WDFY3: variants seen among roughly 807,000 people sequenced by gnomAD.
WDFY3 encodes the protein WD repeat and FYVE domain-containing protein 3.
Under a neutral mutation model 409.6 loss-of-function variants are expected in WDFY3, and 66 were observed. The observed-to-expected ratio is 0.16, with a 90% CI of 0.13 to 0.20. The LOEUF (loss-of-function observed/expected upper bound fraction) is 0.20, where lower values mean the gene tolerates loss of function less well. Among genes scored for constraint, WDFY3 ranks in the 10% least tolerant of loss-of-function variants. The pLI is 1.00. For missense variants in WDFY3, 3,031 were observed against 4,298.1 expected (o/e 0.71, Z 8.24); for synonymous variants, 1,521 against 1,537.1 (o/e 0.99, Z 0.25).
At chr4:84,707,747 T>C (rs1578199977) in intron 53 of WDFY3, among the ~76,000 whole-genome samples, 1 of 152,244 alleles carries the variant, frequency 6.6e-6, no homozygotes, top group South Asian at 2.1e-4. Flanking sequence ...CATTTATCAA[T>C]CTTTACTCCT....
chr4:84,738,480 T>C (rs765696461), intron 40 of WDFY3, among the ~76,000 whole-genome samples: 1 of 152,046 alleles, frequency 6.6e-6, no homozygotes, highest in Non-Finnish European at 1.5e-5. Flanking sequence ...TGTGCACCTG[T>C]AGTCCCAGCT....
chr4:84,860,328 T>C, intron 4 of WDFY3, 84 bp downstream of exon 4: 1 of 1,415,286 alleles, frequency 7.1e-7, no homozygotes, highest in Non-Finnish European at 9.5e-7. Context: ...ATCATTTTTT[T>C]CTACCTATGG....
chr4:84,788,866 A>G (rs534245895), intron 22 of WDFY3, among the ~76,000 whole-genome samples: 2 of 152,090 alleles, frequency 1.3e-5, no homozygotes, highest in South Asian at 4.1e-4. Flanking sequence ...CTAAAAATAC[A>G]AAAATTAGCC....
intron 2 of WDFY3, among the ~76,000 whole-genome samples, chr4:84,899,453 C>T (rs1351322200): frequency 1.3e-5 from 2 of 152,132 alleles, no homozygotes; most frequent in Non-Finnish European, 1.5e-5. Flanking sequence ...TTGGCATTTT[C>T]TTATCAAATT....
chr4:84,788,326 G>T (rs1747892727), intron 22 of WDFY3, among the ~76,000 whole-genome samples: 1 of 152,142 alleles, frequency 6.6e-6, no homozygotes, highest in Admixed American at 6.5e-5. Context: ...AGTTCTTGGT[G>T]ATGTTAATAG....
chr4:84,709,098 T>C (rs1578203770), intron 52 of WDFY3, 70 bp from the exon 53 acceptor site: 4 of 1,573,778 alleles, frequency 2.5e-6, no homozygotes, highest in East Asian at 4.5e-5. Context: ...TAAAATTTTA[T>C]ATACAAAATG....
chr4:84,808,255 C>A, intron 15 of WDFY3, 79 bp downstream of exon 15: 1 of 1,143,454 alleles, frequency 8.7e-7, no homozygotes, highest in South Asian at 1.6e-5. Flanking sequence ...AAAACACAAT[C>A]AACATGTTAA....
intron 3 of WDFY3, among the ~76,000 whole-genome samples, chr4:84,886,187 G>T (rs938065722): frequency 6.6e-6 from 1 of 152,038 alleles, no homozygotes; most frequent in Non-Finnish European, 1.5e-5. Context: ...GGTTGTATCT[G>T]TCCTTCATTA....
At chr4:84,932,841 TA>T (rs996591716) in intron 1 of WDFY3, among the ~76,000 whole-genome samples, 1 of 152,220 alleles carries the variant, frequency 6.6e-6, no homozygotes, top group Non-Finnish European at 1.5e-5. Flanking sequence ...ATTAAAATTT[TA>T]AAAATTGCTG....
rs530776607 is a variant in WDFY3 at position 84,782,981 on chromosome 4, C to A, written c.4156G>T (p.Ala1386Ser). The A allele has an allele frequency of 4.3e-6, 7 of 1,613,852 alleles. No individual in the cohort carries two copies. The highest frequency in any genetic ancestry group is 5.9e-6 in the Non-Finnish European group (7 of 1,179,964). The change falls in exon 25 of 68, where the codon GCT becomes TCT. Residue 1386 changes from alanine to serine, a missense_variant. Ala to Ser is a moderately conservative substitution (Grantham distance 99). Transcript: ENST00000295888. ...LNGSARTIGAALIGYLGVRTF... is the reference protein window; with the variant it reads ...LNGSARTIGASLIGYLGVRTF... Reference sequence around the variant, plus strand: ...CACTCACCCAAGTATCCAATCAGAGCGGCCCCAATTGTCCGTGCAGATCCA... The same window carrying A: ...CACTCACCCAAGTATCCAATCAGAGAGGCCCCAATTGTCCGTGCAGATCCA...
At chr4:84,883,880 A>G (rs986466737) in intron 3 of WDFY3, among the ~76,000 whole-genome samples, 3 of 152,268 alleles carry the variant, frequency 2.0e-5, no homozygotes, top group African/African-American at 7.2e-5. Flanking sequence ...CATGAAATAA[A>G]TGTTTCCATA....
At chr4:84,782,840 A>C (rs1371950465) in intron 25 of WDFY3, 123 bp downstream of exon 25, 4 of 733,824 alleles carry the variant, frequency 5.5e-6, no homozygotes, top group Non-Finnish European at 9.2e-6. Context: ...TGAATACTGC[A>C]CGTACACTAT....
chr4:84,846,376 AT>A (rs1334312162), intron 5 of WDFY3, among the ~76,000 whole-genome samples: 3 of 152,058 alleles, frequency 2.0e-5, no homozygotes, highest in East Asian at 1.9e-4. Flanking sequence ...GTTAAAAAAA[AT>A]ACTTGTGTAA....
In WDFY3 at chr4:84,724,508, T is replaced by C. The variant is rs1735341312; in HGVS notation, c.7359A>G (p.Gln2453=). Residue 2453 remains glutamine, a synonymous_variant, in exon 46 of 68, where the codon CAA becomes CAG. Transcript: ENST00000295888. The stretch of plus-strand genomic sequence containing the variant: ...CTTCTGAACTCTCCACAATGGCGTC[T>C]TGGACAATGGCGGGATTGCCAGAGG... ...RLASGNPAIV[Q]DAIVESSEGE... is the part of the protein sequence containing the mutation. The C allele has an allele frequency of 3.7e-6, 6 of 1,614,202 alleles. No individual in the cohort carries two copies. The highest frequency in any genetic ancestry group is 3.4e-6 in the Non-Finnish European group (4 of 1,180,010).
intron 21 of WDFY3, among the ~76,000 whole-genome samples, chr4:84,790,893 A>G (rs1437315351): frequency 6.6e-6 from 1 of 152,196 alleles, no homozygotes; most frequent in Non-Finnish European, 1.5e-5. Flanking sequence ...TGCAAACCAT[A>G]AGCACAATGG....
chr4:84,727,614 C>T (rs1422984161), intron 44 of WDFY3, among the ~76,000 whole-genome samples: 1 of 152,190 alleles, frequency 6.6e-6, no homozygotes, highest in Non-Finnish European at 1.5e-5. Context: ...TTCTGTTGAG[C>T]TGTAGCATGT....
chr4:84,905,088 C>T (rs1352707749), intron 2 of WDFY3, among the ~76,000 whole-genome samples: 1 of 152,208 alleles, frequency 6.6e-6, no homozygotes, highest in Admixed American at 6.5e-5. Flanking sequence ...GTAATCTCAG[C>T]ACTTTGGGAG....
intron 36 of WDFY3, 90 bp from the exon 37 acceptor site, chr4:84,743,889 G>C (rs1217585085): frequency 5.0e-6 from 4 of 792,626 alleles, no homozygotes; most frequent in Non-Finnish European, 7.0e-6. Context: ...ATATTAAAAA[G>C]ATTAAAAAAT....
intron 56 of WDFY3, among the ~76,000 whole-genome samples, chr4:84,698,290 A>AT (rs775367132): frequency 6.9e-4 from 100 of 145,756 alleles, no homozygotes; most frequent in East Asian, 5.0e-3. Flanking sequence ...ATATATATAT[A>AT]TTTTTTTTTT....
Sources: gnomAD v4.1 joint callset for allele counts (sites outside exome capture counted in the v4.1 genomes callset) on GRCh38, gnomAD v4.1.1 for gene constraint, MANE v1.5 for transcripts, NCBI Gene and HGNC (gene_info 2026-07-23, HGNC 2026-07-21) for gene names.